Variants in VDR observed in about 807,000 individuals in gnomAD.
VDR encodes the protein vitamin D3 receptor.
VDR carries 19 observed loss-of-function variants against 39.7 expected under a neutral mutation model. The ratio of observed to expected loss-of-function variants is 0.48; its 90% CI spans 0.33 to 0.70. VDR has a LOEUF of 0.70. VDR is among the 30% of genes least tolerant of loss of function. VDR has a pLI of 0.02. For synonymous variants in VDR, 242 were observed against 215.8 expected (o/e 1.12, Z -1.07); for missense variants, 442 against 570.5 (o/e 0.77, Z 2.29).
intron 1 of VDR, among the ~76,000 whole-genome samples, chr12:47,895,156 T>C (rs1294177556): frequency 2.0e-5 from 3 of 152,198 alleles, no homozygotes; most frequent in African/African-American, 7.2e-5. Flanking sequence ...TCCAGGCATT[T>C]AAGAATAGGA....
chr12:47,886,270 C>T (rs1473659419), intron 1 of VDR, among the ~76,000 whole-genome samples: 1 of 152,226 alleles, frequency 6.6e-6, no homozygotes, highest in Non-Finnish European at 1.5e-5. Flanking sequence ...ACACCCTTGT[C>T]TTGCTATTTT....
rs533886718 is a variant in VDR at position 47,865,970 on chromosome 12, C to T, written c.147-793G>A. Among the ~76,000 whole-genome samples the T allele has an allele frequency of 3.3e-5, 5 of 152,190 alleles. No individual in the cohort carries two copies. In the East Asian group the frequency reaches 9.7e-4, roughly 29 times the overall value. ...GACCTCATGATCCGCCTGCCTTGGC[C>T]TCCCAAAGTGCTGGGATTACAGGCG... is the stretch of plus-strand genomic sequence containing the variant. On this transcript the variant is annotated intron_variant, in intron 3 of 9. Coordinates refer to ENST00000549336, the MANE Select transcript of VDR (RefSeq NM_000376.3).
At chr12:47,868,212 C>A (rs1316354344) in intron 3 of VDR, among the ~76,000 whole-genome samples, 1 of 152,206 alleles carries the variant, frequency 6.6e-6, no homozygotes, top group East Asian at 1.9e-4. Context: ...CCCAAACAGC[C>A]CCAGGTGGCT....
chr12:47,865,393 A>G (rs1592117654), intron 3 of VDR, among the ~76,000 whole-genome samples: 1 of 152,172 alleles, frequency 6.6e-6, no homozygotes, highest in Non-Finnish European at 1.5e-5. Flanking sequence ...CATGGCTTGT[A>G]CTTACCTTTT....
At chr12:47,879,241 C>T in intron 2 of VDR, 126 bp from the exon 3 acceptor site, 1 of 1,196,054 alleles carries the variant, frequency 8.4e-7, no homozygotes, top group Non-Finnish European at 1.1e-6. Context: ...GGGAGCTCAG[C>T]AAGGGTGGGC....
chr12:47,859,914 CTTCTTTCTTTTTCT>C (rs1225597031), intron 4 of VDR, among the ~76,000 whole-genome samples: 764 of 55,022 alleles, frequency 0.014, 39 homozygotes, highest in East Asian at 0.021. Flanking sequence ...TCCTTCCTTC[CTTCTTTCTTTTTCT>C]TTCTTTCTTT....
chr12:47,856,567 TC>T (rs1464549061), intron 6 of VDR, among the ~76,000 whole-genome samples: 1 of 149,886 alleles, frequency 6.7e-6, no homozygotes, highest in Non-Finnish European at 1.5e-5. Flanking sequence ...AAAAAGCAAG[TC>T]ATCAGATTGT....
chr12:47,871,319 T>TTTCTTTCTTTCTTTCTTTCTTTC (rs1945864536), intron 3 of VDR, among the ~76,000 whole-genome samples: 1 of 140,740 alleles, frequency 7.1e-6, no homozygotes, highest in African/African-American at 2.7e-5. Context: ...TCTTTCTTTC[T>TTTCTTTCTTTCTTTCTTTCTTTC]TTCTTTCTTT....
chr12:47,871,294 C>CTTTCTTTCTTTCTTTCTTTCT (rs1945857902), intron 3 of VDR, among the ~76,000 whole-genome samples: 2 of 90,538 alleles, frequency 2.2e-5, no homozygotes, highest in African/African-American at 8.8e-5. Context: ...TTCTCTTTCT[C>CTTTCTTTCTTTCTTTCTTTCT]TTTCTTTCTT....
Position 47,858,718 on chromosome 12 carries a change from T to C in VDR, c.278-1030A>G, listed in dbSNP as rs185116071. 1.1e-3 allele frequency among the ~76,000 whole-genome samples: 167 copies of C among 152,368 alleles called. 1 individual carries two copies. The highest frequency in any genetic ancestry group is 3.8e-3 in the African/African-American group (156 of 41,594). On this transcript the variant is annotated intron_variant, in intron 4 of 9. Coordinates refer to ENST00000549336, the MANE Select transcript of VDR (RefSeq NM_000376.3). ...ACCAGGGCCTTTGGCCTGTAGCTAC[T>C]TGCTTGGTGCTGCTGCTGCCAGGGC...
chr12:47,866,481 C>A (rs1945739679), intron 3 of VDR, among the ~76,000 whole-genome samples: 1 of 152,206 alleles, frequency 6.6e-6, no homozygotes, highest in African/African-American at 2.4e-5. Flanking sequence ...GGATGCTAGT[C>A]TCAGCATGAA....
intron 7 of VDR, among the ~76,000 whole-genome samples, chr12:47,854,816 C>A (rs1210869266): frequency 6.6e-6 from 1 of 152,272 alleles, no homozygotes; most frequent in African/African-American, 2.4e-5. Context: ...AGACAGGCTG[C>A]ACTTTCTAAA....
chr12:47,844,619 G>A lies in VDR; in HGVS notation c.*127C>T, dbSNP rs1465775223. 1.6e-6 allele frequency: 2 copies of A among 1,288,814 alleles called. No homozygotes were observed. Among genetic ancestry groups the A allele is most frequent in the South Asian group, 1.3e-5 (1 of 77,580 alleles). 79.8% of individuals were successfully genotyped at this position (1,288,814 alleles called of 1,614,324 possible). A position where few individuals can be genotyped will look rare whatever the true frequency, so the allele number is the denominator to read the frequency against. ...GAGAGAATGGGCTGGGTGGATAGGG[G>A]AGGTGGCAGAGGAGGGGCTGAACCC... On this transcript the variant is annotated 3_prime_UTR_variant, in exon 10 of 10. Transcript: ENST00000549336.
chr12:47,898,553 A>G (rs1335727271), intron 1 of VDR: 1 of 154,316 alleles, frequency 6.5e-6, no homozygotes, highest in African/African-American at 2.4e-5. Flanking sequence ...ACCAGAAGAC[A>G]AGTATAACAT....
intron 1 of VDR, among the ~76,000 whole-genome samples, chr12:47,890,765 G>A (rs1946354923): frequency 6.6e-6 from 1 of 152,236 alleles, no homozygotes; most frequent in Non-Finnish European, 1.5e-5. Flanking sequence ...TAGATTGTAT[G>A]AAGGGAGTGG....
At chr12:47,899,204 G>A (rs1467596696) in intron 1 of VDR, among the ~76,000 whole-genome samples, 6 of 152,122 alleles carry the variant, frequency 3.9e-5, no homozygotes, top group Admixed American at 1.3e-4. Context: ...AGTTCTAAAC[G>A]GGCCTCTCAC....
chr12:47,846,663 T>C lies in VDR; in HGVS notation c.901A>G (p.Thr301Ala). The C allele has an allele frequency of 6.2e-7, 1 of 1,613,624 alleles. No individual in the cohort carries two copies. ...QDYKYRVSDV[T>A]KAGHSLELIE... ...AGGTGGAGTCTAGGCATACCTTTGG[T>C]CACGTCACTGACGCGGTACTTGTAG... Residue 301 changes from threonine (T) to alanine (A), a missense_variant, in exon 8 of 10, where the codon ACC (threonine) becomes GCC (alanine). By Grantham distance (58) the Thr-to-Ala change is moderately conservative. Transcript: ENST00000549336.
rs577246006 is a variant in VDR at position 47,852,310 on chromosome 12, C to T, written c.755+3320G>A. On this transcript the variant is annotated intron_variant, in intron 7 of 9. Transcript: ENST00000549336. ...TGCTGCCTGACATGAGGATGGAAGC[C>T]GAGTGCTTCTGTGTTTTTTCCCTAG... Among the ~76,000 whole-genome samples, 17 of 152,312 alleles carry T rather than the reference C, an allele frequency of 1.1e-4. No homozygotes were observed. In the South Asian group the frequency reaches 2.9e-3, roughly 26 times the overall value.
chr12:47,878,455 C>A (rs1946053301), intron 3 of VDR, among the ~76,000 whole-genome samples: 1 of 152,200 alleles, frequency 6.6e-6, no homozygotes. Flanking sequence ...CCAAGGTTGG[C>A]TTTCAGACCA....
Sources: gnomAD v4.1 joint callset for allele counts (sites outside exome capture counted in the v4.1 genomes callset) on GRCh38, gnomAD v4.1.1 for gene constraint, MANE v1.5 for transcripts, NCBI Gene and HGNC (gene_info 2026-07-23, HGNC 2026-07-21) for gene names.